The following TTN variants were observed in gnomAD, a reference collection of about 807,000 sequenced individuals.
TTN encodes connectin.
A neutral mutation model predicts 3,223.0 loss-of-function variants in TTN; 1,525 were observed. That is an observed-to-expected ratio of 0.47 (90% CI 0.45 to 0.49). The LOEUF (loss-of-function observed/expected upper bound fraction) is 0.49. Among genes scored for constraint, TTN ranks in the 20% least tolerant of loss-of-function variants. The pLI is 0.00. For synonymous variants in TTN, 14,094 were observed against 15,161.0 expected, an observed-to-expected ratio of 0.93 and a Z score of 5.17; for missense variants, 40,786 against 43,424.0, an observed-to-expected ratio of 0.94 and a Z score of 5.40.
At position 178,582,053 on chromosome 2, in the gene TTN, T is replaced by G. The variant is rs1305235152; in HGVS notation, c.66316A>C (p.Asn22106His). 2 of 1,613,268 alleles carry G rather than the reference T, an allele frequency of 1.2e-6. No homozygotes were observed. Among genetic ancestry groups the G allele is most frequent in the African/African-American group, 2.7e-5 (2 of 74,870 alleles). Residue 22106 changes from asparagine (N) to histidine (H), a missense_variant, in exon 315 of 363, where the codon AAC becomes CAC. By Grantham distance (68) the Asn-to-His change is moderately conservative (BLOSUM62 1). Coordinates refer to ENST00000589042, the MANE Select transcript of TTN (RefSeq NM_001267550.2). ...GTTCTTTCTATAATAGGTTTTCTGT[T>G]GACCTTAGTCCAGTTAACAGCCTGG... ...ETQAVNWTKV[N>H]RKPIIERTLK... is the part of the protein sequence containing the mutation.
rs767070836 is a variant in TTN, at chr2:178,566,765, T to G, written c.79367A>C (p.Glu26456Ala). The G allele has an allele frequency of 4.3e-6, 7 of 1,613,418 alleles. No individual in the cohort carries two copies. In the South Asian group the frequency reaches 7.7e-5, roughly 18 times the overall value. The stretch of plus-strand genomic sequence containing the variant: ...TTCTGCAGAGACCCTGAATTCATAC[T>G]CATGATCTTCTGTTAATCCTGTCAC... ...LRVTGLTEDH[E>A]YEFRVSAENA... Residue 26456 changes from glutamate to alanine, a missense_variant, in exon 326 of 363, where the codon GAG (glutamate) becomes GCG (alanine). Glu to Ala is a moderately radical substitution (Grantham distance 107). Transcript: ENST00000589042.
chr2:178,608,440 A>T lies in TTN; in HGVS notation c.52443T>A (p.Asp17481Glu). The T allele has an allele frequency of 6.2e-7, 1 of 1,607,086 alleles. No homozygotes were observed. The highest frequency in any genetic ancestry group is 1.1e-5 in the South Asian group (1 of 90,052). Residue 17481 changes from aspartate to glutamate, a missense_variant, in exon 275 of 363, where the codon GAT (aspartate) becomes GAA (glutamate). By Grantham distance (45) the Asp-to-Glu change is conservative. Transcript: ENST00000589042. ...TCACTAGCATACTGTTGCTGGTAAC[A>T]TCTTCCACAATGGGCTTATCTGGTG... ...PDAPDKPIVE[D>E]VTSNSMLVKW... is the part of the protein sequence containing the mutation.
Position 178,562,661 on chromosome 2 carries a change from G to A in TTN, c.83471C>T (p.Thr27824Ile). ...TTCTTGTAGATTTTCAATTCTGAAA[G>A]TAGTTTTAGTGCAATTATTTGTAAT... is the stretch of plus-strand genomic sequence containing the variant. ...ATITNNCTKT[T>I]FRIENLQEGC... is the part of the protein sequence containing the mutation. The change falls in exon 326 of 363, where the codon ACT becomes ATT. Residue 27824 changes from threonine to isoleucine, a missense_variant. Transcript: ENST00000589042. 1 of 1,598,216 alleles carries A rather than the reference G, an allele frequency of 6.3e-7. No homozygotes were observed. The highest frequency in any genetic ancestry group is 8.5e-7 in the Non-Finnish European group (1 of 1,174,228).
intron 47 of TTN, among the ~76,000 whole-genome samples, chr2:178,752,583 G>A (rs2085851802): frequency 6.6e-6 from 1 of 151,992 alleles, no homozygotes; most frequent in Admixed American, 6.6e-5. Flanking sequence ...AGGCAATAAG[G>A]ATCACATAAG....
Position 178,712,307 on chromosome 2 carries a change from T to C in TTN, c.27607+8A>G, listed in dbSNP as rs931894086. On this transcript the variant is annotated splice_region_variant and intron_variant, in intron 95 of 362. Coordinates refer to ENST00000589042, the MANE Select transcript of TTN (RefSeq NM_001267550.2). ...ATACAAAGATAAAAATGTGCAATCA[T>C]GACAAACCTAGTATGAGTATTTGTG... 6.2e-7 allele frequency: 1 copy of C among 1,611,422 alleles called. No individual in the cohort carries two copies. The highest frequency in any genetic ancestry group is 1.3e-5 in the African/African-American group (1 of 74,942).
At chr2:178,745,870 C>T in intron 47 of TTN, 3 of 1,612,618 alleles carry the variant, frequency 1.9e-6, no homozygotes, top group Non-Finnish European at 2.5e-6. Flanking sequence ...GAGGCCCTTC[C>T]ACCACCTGAA....
chr2:178,601,587 T>C (rs1397617126), intron 286 of TTN, 23 bp from the exon 287 acceptor site: 1 of 1,596,010 alleles, frequency 6.3e-7, no homozygotes, highest in South Asian at 1.1e-5. Flanking sequence ...AATCACAATA[T>C]AAGCAACGTT....
At position 178,588,608 on chromosome 2, in the gene TTN, C is replaced by T; in HGVS notation, c.63117G>A (p.Lys21039=). The change falls in exon 304 of 363, where the codon AAG becomes AAA. Residue 21039 remains lysine (K), a synonymous_variant. Transcript: ENST00000589042. ...CTCCAATTCCAATTTCATTTTCTGC[C>T]TTGACACGGAACTGATATTCATGGT... The part of the protein sequence containing the change: ...LPDHEYQFRV[K]AENEIGIGEP... 1.3e-6 allele frequency: 2 copies of T among 1,571,960 alleles called. No homozygotes were observed. The highest frequency in any genetic ancestry group is 1.7e-6 in the Non-Finnish European group (2 of 1,160,722).
In TTN at chr2:178,552,693, C is replaced by G. The variant is rs207462678; in HGVS notation, c.90207G>C (p.Arg30069Ser). 3.1e-6 allele frequency: 5 copies of G among 1,613,818 alleles called. No homozygotes were observed. The African/African-American group carries it at 5.3e-5, about 17-fold the overall frequency. The change falls in exon 335 of 363, where the codon AGG (arginine) becomes AGC (serine). Residue 30069 changes from arginine to serine, a missense_variant. Arg to Ser is a moderately radical substitution (Grantham distance 110). Coordinates refer to ENST00000589042, the MANE Select transcript of TTN (RefSeq NM_001267550.2). ...ACCACGTCTGTTCACCTTTACCTTT[C>G]CTTTCTACAACATATTCTGTGATGA... is the stretch of plus-strand genomic sequence containing the variant. ...GSVITEYVVE[R>S]KGKGEQTWSH...
chr2:178,576,341 G>C lies in TTN; in HGVS notation c.69791C>G (p.Pro23264Arg). The change falls in exon 326 of 363, where the codon CCT becomes CGT. Residue 23264 changes from proline to arginine, a missense_variant. Pro to Arg is a moderately radical substitution (Grantham distance 103). Coordinates refer to ENST00000589042, the MANE Select transcript of TTN (RefSeq NM_001267550.2). The surrounding 1 kb of genome is among the most constrained non-coding windows in gnomAD (Gnocchi z 4.3). ...KKSASLAWGKPHYDGGLEITG... is the reference protein window; with the variant it reads ...KKSASLAWGKRHYDGGLEITG... ...GATTTCAAGTCCACCATCATAATGA[G>C]GCTTGCCCCATGCCAAAGAAGCAGA... is the stretch of plus-strand genomic sequence containing the variant. 3 of 1,562,220 alleles carry C rather than the reference G, an allele frequency of 1.9e-6. No homozygotes were observed. Among genetic ancestry groups the C allele is most frequent in the Non-Finnish European group, 2.6e-6 (3 of 1,160,432 alleles).
At chr2:178,749,000 T>G in intron 47 of TTN, 1 of 1,612,462 alleles carries the variant, frequency 6.2e-7, no homozygotes, top group Non-Finnish European at 8.5e-7. Flanking sequence ...TTTTTCTACA[T>G]GTAATTTTTC....
At chr2:178,613,102 T>G (rs1205286675) in intron 264 of TTN, 30 bp from the exon 265 acceptor site, 5 of 1,611,106 alleles carry the variant, frequency 3.1e-6, no homozygotes, top group Non-Finnish European at 4.2e-6. Context: ...TTGTTTAGGT[T>G]TGTCAAAAAG....
rs1212699230 is a variant in TTN, at chr2:178,536,964, G to A, written c.100145C>T (p.Ser33382Leu). ...AAATGGACTCTTAATGATCACAACT[G>A]AGGACACTTCTAGAGGGTCACTGAT... The part of the protein sequence containing the change: ...FGISDPLEVS[S>L]VVIIKSPFEK... The change falls in exon 356 of 363, where the codon TCA becomes TTA. Residue 33382 changes from serine (S) to leucine (L), a missense_variant. Coordinates refer to ENST00000589042, the MANE Select transcript of TTN (RefSeq NM_001267550.2). 1 of 1,613,086 alleles carries A rather than the reference G, an allele frequency of 6.2e-7. No individual in the cohort carries two copies. Among genetic ancestry groups the A allele is most frequent in the African/African-American group, 1.3e-5 (1 of 75,010 alleles).
Position 178,579,678 on chromosome 2 carries a change from G to A in TTN, c.67519C>T (p.Gln22507Ter), listed in dbSNP as rs1559490694. The change falls in exon 319 of 363, where the codon CAG (glutamine) becomes TAG (stop). Residue 22507 changes from glutamine (Q) to a stop codon, truncating the protein, a stop_gained. Coordinates refer to ENST00000589042, the MANE Select transcript of TTN (RefSeq NM_001267550.2). LOFTEE classifies it high-confidence loss of function. ...WQRVMKSLSL[Q>*]YSAKDLTEGK... ...TCAGTCAAATCTTTTGCAGAGTACT[G>A]TAGGCTTAAGGATTTCATAACTCGT... The A allele has an allele frequency of 6.2e-7, 1 of 1,613,266 alleles. No homozygotes were observed. The highest frequency in any genetic ancestry group is 8.5e-7 in the Non-Finnish European group (1 of 1,179,512).
At position 178,616,953 on chromosome 2, in the gene TTN, G is replaced by A. The variant is rs184815126; in HGVS notation, c.47936C>T (p.Pro15979Leu). ...KDGLEVIVPN[P>L]ITILVPSTGY... ...TGTACTTGGAACCAGGATCGTGATA[G>A]GATTTGGGACAATAACTTCCAGACC... is the stretch of plus-strand genomic sequence containing the variant. The change falls in exon 256 of 363, where the codon CCT becomes CTT. Residue 15979 changes from proline (P) to leucine (L), a missense_variant. Transcript: ENST00000589042. The A allele has an allele frequency of 1.2e-4, 192 of 1,612,676 alleles. No individual in the cohort carries two copies. Among genetic ancestry groups the A allele is most frequent in the Middle Eastern group, 1.7e-4 (1 of 6,048 alleles).
At chr2:178,583,534 A>T in intron 312 of TTN, 73 bp downstream of exon 312, 1 of 1,391,032 alleles carries the variant, frequency 7.2e-7, no homozygotes, top group Non-Finnish European at 9.5e-7. Context: ...GTGTATATTT[A>T]GTTTTTTATT....
Position 178,618,355 on chromosome 2 carries a change from T to C in TTN, c.47103A>G (p.Arg15701=). ...GGTCTGTGGCCAGAACCCAGGTCTT[T>C]CTCTTAATGTCACGTCTTTCAACAA... ...GYVVERRDIK[R]KTWVLATDRA... The change falls in exon 252 of 363, where the codon AGA becomes AGG. Residue 15701 remains arginine, a synonymous_variant. Coordinates refer to ENST00000589042, the MANE Select transcript of TTN (RefSeq NM_001267550.2). 6.2e-7 allele frequency: 1 copy of C among 1,612,590 alleles called. No individual in the cohort carries two copies. The highest frequency in any genetic ancestry group is 8.5e-7 in the Non-Finnish European group (1 of 1,179,098).
rs1559469943 is a variant in TTN, at chr2:178,577,273, G to A, written c.69062C>T (p.Thr23021Ile). 1 of 1,612,908 alleles carries A rather than the reference G, an allele frequency of 6.2e-7. No homozygotes were observed. The highest frequency in any genetic ancestry group is 8.5e-7 in the Non-Finnish European group (1 of 1,179,476). The change falls in exon 324 of 363, where the codon ACT becomes ATT. Residue 23021 changes from threonine to isoleucine, a missense_variant. Transcript: ENST00000589042. The part of the protein sequence containing the change: ...TRKDAGEYTI[T>I]ATNPFGTKVE... ...CTTCGTGCCAAAAGGATTGGTAGCAGTGATGGTATATTCACCCGCATCTTT... is the reference window on the plus strand; with the variant it reads ...CTTCGTGCCAAAAGGATTGGTAGCAATGATGGTATATTCACCCGCATCTTT...
In TTN at chr2:178,650,257, C is replaced by G; in HGVS notation, c.39724G>C (p.Glu13242Gln). Reference sequence around the variant, plus strand: ...ATTTCCTCTTCAGGAGCAATTTCCTCAGGTTCTTCATATACTTTAAAGATA... The same window carrying G: ...ATTTCCTCTTCAGGAGCAATTTCCTGAGGTTCTTCATATACTTTAAAGATA... ...SPPPEVYEEP[E>Q]EIAPEEEIAP... The change falls in exon 210 of 363, where the codon GAG becomes CAG. Residue 13242 changes from glutamate (E) to glutamine (Q), a missense_variant. Coordinates refer to ENST00000589042, the MANE Select transcript of TTN (RefSeq NM_001267550.2). 6.3e-7 allele frequency: 1 copy of G among 1,582,694 alleles called. No homozygotes were observed. The highest frequency in any genetic ancestry group is 8.6e-7 in the Non-Finnish European group (1 of 1,162,760).
Sources: allele counts gnomAD v4.1 joint callset (sites outside exome capture counted in the v4.1 genomes callset), GRCh38; gene constraint gnomAD v4.1.1; non-coding constraint Gnocchi (gnomAD v3.1); transcripts MANE v1.5; gene names NCBI Gene and HGNC (gene_info 2026-07-23, HGNC 2026-07-21).